PARP9: variants seen among roughly 807,000 people sequenced by gnomAD.
PARP9 encodes the protein poly(ADP-ribose) polymerase family member 9, also known as protein mono-ADP-ribosyltransferase PARP9.
A neutral mutation model predicts 68.8 loss-of-function variants in PARP9; 48 were observed. The observed-to-expected ratio is 0.70, with a 90% CI of 0.55 to 0.89. The LOEUF (loss-of-function observed/expected upper bound fraction) is 0.89. Ranked by LOEUF, PARP9 falls within the 40% of genes least tolerant of loss-of-function variation. The probability of loss-of-function intolerance (pLI) is 0.00; values close to 1 mark genes in which losing one functional copy is unlikely to be tolerated. For synonymous variants in PARP9, 309 were observed against 333.8 expected (o/e 0.93, Z 0.81); for missense variants, 806 against 969.3 (o/e 0.83, Z 2.24).
upstream of PARP9, chr3:122,564,648 T>G (rs199591423): frequency 3.5e-5 from 54 of 1,563,754 alleles, no homozygotes; most frequent in African/African-American, 6.9e-4. Flanking sequence ...GAAAGCCCTC[T>G]GGGGGCCCGG....
chr3:122,550,457 A>C (rs1317083700), intron 6 of PARP9, 127 bp downstream of exon 6: 12 of 749,654 alleles, frequency 1.6e-5, no homozygotes, highest in Non-Finnish European at 1.9e-5. Flanking sequence ...CCAAGTTAGA[A>C]CACCACCACA....
At chr3:122,562,155 A>G (rs923222461) in intron 1 of PARP9, among the ~76,000 whole-genome samples, 5 of 120,174 alleles carry the variant, frequency 4.2e-5, no homozygotes, top group African/African-American at 1.6e-4. Flanking sequence ...GTGGCAATAT[A>G]CTCTTTTCTT....
chr3:122,560,945 C>T (rs547418193), intron 1 of PARP9, among the ~76,000 whole-genome samples: 2 of 152,308 alleles, frequency 1.3e-5, no homozygotes, highest in East Asian at 1.9e-4. Flanking sequence ...TTTTACAGGC[C>T]TATGGATAGC....
intron 1 of PARP9, 115 bp downstream of exon 1, chr3:122,564,129 TC>T: frequency 2.2e-6 from 1 of 444,758 alleles, no homozygotes; most frequent in Non-Finnish European, 4.0e-6. Context: ...CATAGTCTAC[TC>T]ACAAGGGAGG....
chr3:122,530,352 A>T (rs1434127371), intron 10 of PARP9, among the ~76,000 whole-genome samples: 1 of 152,100 alleles, frequency 6.6e-6, no homozygotes, highest in East Asian at 1.9e-4. Flanking sequence ...GGTTGGCACA[A>T]TACCTCATGA....
In PARP9 at chr3:122,528,499, G is replaced by T; in HGVS notation, c.2325C>A (p.Gly775=). 6.2e-7 allele frequency: 1 copy of T among 1,614,158 alleles called. No individual in the cohort carries two copies. The highest frequency in any genetic ancestry group is 8.5e-7 in the Non-Finnish European group (1 of 1,180,020). The change falls in exon 11 of 11, where the codon GGC becomes GGA. Residue 775 remains glycine (G), a synonymous_variant. Transcript: ENST00000682323. ...SSPETFVIFS[G]MQAIPQYLWT... is the part of the protein sequence containing the mutation. ...ACAAATACTGAGGTATAGCCTGCAT[G>T]CCACTAAAAATAACAAAGGTTTCAG... is the stretch of plus-strand genomic sequence containing the variant.
chr3:122,534,901 G>A, intron 10 of PARP9: 1 of 962,520 alleles, frequency 1.0e-6, no homozygotes, highest in Non-Finnish European at 1.2e-6. Context: ...TAAATAAAGA[G>A]AGAACTGCCT....
Position 122,545,439 on chromosome 3 carries a change from A to G in PARP9, c.1377T>C (p.Asn459=). ...AKRSKMLSLN[N]YSVPQSTREE... ...TGTGAATTTCTTACTCACCACTGTA[A>G]TTGTTCAAACTCAGCATCTTGGACC... Residue 459 remains asparagine, a synonymous_variant, in exon 7 of 11, where the codon AAT becomes AAC. Transcript: ENST00000682323. The G allele has an allele frequency of 6.2e-7, 1 of 1,614,186 alleles. No individual in the cohort carries two copies. Among genetic ancestry groups the G allele is most frequent in the Non-Finnish European group, 8.5e-7 (1 of 1,180,018 alleles).
intron 10 of PARP9, chr3:122,535,725 G>A (rs2077586178): frequency 1.0e-6 from 1 of 995,890 alleles, no homozygotes; most frequent in East Asian, 1.1e-4. Flanking sequence ...CAGGCTATAG[G>A]AAACAAAGGG....
intron 4 of PARP9, among the ~76,000 whole-genome samples, chr3:122,554,787 G>A (rs1333442310): frequency 6.6e-6 from 1 of 152,102 alleles, no homozygotes; most frequent in Non-Finnish European, 1.5e-5. Context: ...GCCCTGGCAG[G>A]AATCACTGCA....
intron 1 of PARP9, among the ~76,000 whole-genome samples, chr3:122,560,798 A>T (rs2080139548): frequency 6.6e-6 from 1 of 152,208 alleles, no homozygotes; most frequent in South Asian, 2.1e-4. Flanking sequence ...AATCCTTTGC[A>T]TTCTAAAATG....
At chr3:122,553,947 C>A (rs1041434847) in intron 4 of PARP9, among the ~76,000 whole-genome samples, 1 of 152,146 alleles carries the variant, frequency 6.6e-6, no homozygotes, top group African/African-American at 2.4e-5. Flanking sequence ...AGCAGGGGAG[C>A]TGCACTGACT....
At chr3:122,554,747 T>C (rs1243503995) in intron 4 of PARP9, among the ~76,000 whole-genome samples, 1 of 152,190 alleles carries the variant, frequency 6.6e-6, no homozygotes, top group African/African-American at 2.4e-5. Context: ...ATTATTATTT[T>C]TAGAGTCAAA....
At position 122,535,133 on chromosome 3, in the gene PARP9, G is replaced by A. The variant is rs199638871; in HGVS notation, c.2080+1035C>T. 5.1e-6 allele frequency: 5 copies of A among 984,890 alleles called. No individual in the cohort carries two copies. The East Asian group carries it at 4.5e-4, about 89-fold the overall frequency. The allele number at this position is 984,890 out of a possible 1,614,324, so 61.0% of individuals were successfully genotyped here. A position where few individuals can be genotyped will look rare whatever the true frequency, so the allele number is the denominator to read the frequency against. On this transcript the variant is annotated intron_variant, in intron 10 of 10. Coordinates refer to ENST00000682323, the MANE Select transcript of PARP9 (RefSeq NM_001146105.2). ...TAATTTAAGTAGAAGTAGTGGGTGG[G>A]GATTGCAGAGAAGCCAGCTTTAGGA...
At chr3:122,561,502 A>C (rs1012564870) in intron 1 of PARP9, among the ~76,000 whole-genome samples, 3 of 152,178 alleles carry the variant, frequency 2.0e-5, no homozygotes. Context: ...TCATGTGGTT[A>C]ATGCCAATGG....
chr3:122,552,591 G>A lies in PARP9; in HGVS notation c.934C>T (p.Pro312Ser), dbSNP rs2079297033. The A allele has an allele frequency of 3.1e-6, 5 of 1,613,986 alleles. No individual in the cohort carries two copies. The South Asian group carries it at 4.4e-5, about 14-fold the overall frequency. Residue 312 changes from proline to serine, a missense_variant, in exon 5 of 11, where the codon CCT becomes TCT. Pro to Ser is a moderately conservative substitution (Grantham distance 74). Around this residue, in one of 2 missense-constraint regions of PARP9, gnomAD observed 680 missense variants for 858.8 expected, o/e 0.79. Transcript: ENST00000682323. ...TGTTGTAGAATTGACTTTGCCACAG[G>A]TCCAACTGTAATATCATGTGGGTTT... ...SVNPHDITVG[P>S]VAKSILQQAG...
chr3:122,536,379 A>G (rs751577912), intron 9 of PARP9, 37 bp from the exon 10 acceptor site: 1 of 1,600,780 alleles, frequency 6.2e-7, no homozygotes, highest in Non-Finnish European at 8.5e-7. Flanking sequence ...AAAAGAGGCT[A>G]GAGAACCGCT....
chr3:122,552,082 AT>A (rs76000414), intron 5 of PARP9, among the ~76,000 whole-genome samples: 7 of 149,128 alleles, frequency 4.7e-5, no homozygotes, highest in East Asian at 2.0e-4. Context: ...CACCTGGCTA[AT>A]TTTTTTTTTC....
At chr3:122,534,088 A>T (rs1302714478) in intron 10 of PARP9, 1 of 982,774 alleles carries the variant, frequency 1.0e-6, no homozygotes, top group Admixed American at 6.1e-5. Context: ...AAGCTAAGGG[A>T]TAGGGAGAAG....
Sources: gnomAD v4.1 joint callset for allele counts (sites outside exome capture counted in the v4.1 genomes callset) on GRCh38, gnomAD v4.1.1 for gene constraint, gnomAD v4.1.1 regional missense constraint, MANE v1.5 for transcripts, NCBI Gene and HGNC (gene_info 2026-07-23, HGNC 2026-07-21) for gene names.